VPS13A: variants seen among roughly 807,000 people sequenced by gnomAD.
VPS13A encodes the protein intermembrane lipid transfer protein VPS13A.
In VPS13A, 264 loss-of-function variants were observed where a neutral mutation model predicts 390.9. The ratio of observed to expected loss-of-function variants is 0.68; its 90% CI spans 0.61 to 0.75. The LOEUF (loss-of-function observed/expected upper bound fraction) is 0.75, where lower values mean the gene tolerates loss of function less well. Ranked by LOEUF, VPS13A falls within the 30% of genes least tolerant of loss-of-function variation. The probability of loss-of-function intolerance (pLI) is 0.00; values close to 1 mark genes in which losing one functional copy is unlikely to be tolerated. For missense variants in VPS13A, 3,409 were observed against 3,733.9 expected, an observed-to-expected ratio of 0.91 and a Z score of 2.27; for synonymous variants, 1,231 against 1,227.1, an observed-to-expected ratio of 1.00 and a Z score of -0.07.
At chr9:77,318,679 CT>C in intron 41 of VPS13A, 88 bp downstream of exon 41, 1 of 1,246,562 alleles carries the variant, frequency 8.0e-7, no homozygotes, top group Non-Finnish European at 1.2e-6. Flanking sequence ...ATTATGGAAT[CT>C]TGTGTAGCTA....
intron 17 of VPS13A, among the ~76,000 whole-genome samples, chr9:77,229,459 A>G (rs1033745030): frequency 1.3e-5 from 2 of 152,238 alleles, no homozygotes; most frequent in Non-Finnish European, 2.9e-5. Flanking sequence ...GCCCCTGGCA[A>G]CAACTAATTT....
At chr9:77,211,581 C>T (rs1006791944) in intron 7 of VPS13A, 1 of 152,110 alleles carries the variant, frequency 6.6e-6, no homozygotes, top group African/African-American at 2.4e-5. Context: ...AGAGACTCCA[C>T]AGTTTCTTTT....
intron 23 of VPS13A, among the ~76,000 whole-genome samples, chr9:77,271,420 A>G (rs865861245): frequency 4.6e-5 from 7 of 152,200 alleles, no homozygotes; most frequent in African/African-American, 1.4e-4. Context: ...AAGGTTAAGT[A>G]TATACTTACC....
chr9:77,321,715 C>A lies in VPS13A; in HGVS notation c.5799C>A (p.Ser1933Arg). The change falls in exon 44 of 72, where the codon AGC becomes AGA. Residue 1933 changes from serine (S) to arginine (R), a missense_variant. Coordinates refer to ENST00000360280, the MANE Select transcript of VPS13A (RefSeq NM_033305.3). ...ATGATCATTTCAATGCAATGACCAG[C>A]CTAAGCAGCAAACTCTTCTTCATTC... The part of the protein sequence containing the change: ...KDNDHFNAMT[S>R]LSSKLFFILL... The A allele has an allele frequency of 6.2e-7, 1 of 1,613,174 alleles. No homozygotes were observed.
chr9:77,378,411 T>A (rs1277107417), intron 67 of VPS13A, among the ~76,000 whole-genome samples: 1 of 152,144 alleles, frequency 6.6e-6, no homozygotes, highest in Non-Finnish European at 1.5e-5. Flanking sequence ...ATCTAGATGT[T>A]CTAATTTGTT....
chr9:77,202,729 C>T (rs140832091), intron 3 of VPS13A, among the ~76,000 whole-genome samples: 9 of 152,124 alleles, frequency 5.9e-5, no homozygotes, highest in East Asian at 3.9e-4. Context: ...AGAATCTGCC[C>T]GCCTTCTCTT....
At chr9:77,394,896 A>T (rs2131634829) in intron 68 of VPS13A, among the ~76,000 whole-genome samples, 1 of 152,280 alleles carries the variant, frequency 6.6e-6, no homozygotes, top group African/African-American at 2.4e-5. Context: ...CCTTCATATA[A>T]TTGAAGATAG....
At chr9:77,185,070 C>A (rs1483517424) in intron 1 of VPS13A, among the ~76,000 whole-genome samples, 1 of 151,992 alleles carries the variant, frequency 6.6e-6, no homozygotes, top group Non-Finnish European at 1.5e-5. Flanking sequence ...TCACAGCCTG[C>A]GACTTGTGAC....
intron 23 of VPS13A, among the ~76,000 whole-genome samples, chr9:77,268,001 G>A (rs1466953465): frequency 6.6e-6 from 1 of 152,190 alleles, no homozygotes; most frequent in Non-Finnish European, 1.5e-5. Flanking sequence ...CTCAGCAGTG[G>A]TGATTCCCGC....
At chr9:77,252,439 T>C in intron 22 of VPS13A, 87 bp downstream of exon 22, 1 of 1,064,062 alleles carries the variant, frequency 9.4e-7, no homozygotes, top group Middle Eastern at 2.0e-4. Context: ...CTCTTCCTTG[T>C]GTGTGTGGTG....
At chr9:77,364,713 C>G (rs78097690) in intron 59 of VPS13A, among the ~76,000 whole-genome samples, 2,482 of 152,204 alleles carry the variant, frequency 0.016, 52 homozygotes, top group African/African-American at 0.05. Context: ...TTACCAAATT[C>G]TTTAGGTTTT....
At chr9:77,261,343 T>G (rs12340704) in intron 23 of VPS13A, among the ~76,000 whole-genome samples, 15,552 of 152,092 alleles carry the variant, frequency 0.1, 820 homozygotes, top group Middle Eastern at 0.13. Context: ...TATGGTGATA[T>G]AGTATTTCAT....
intron 33 of VPS13A, among the ~76,000 whole-genome samples, chr9:77,297,478 G>A (rs985651718): frequency 6.6e-6 from 1 of 151,880 alleles, no homozygotes; most frequent in African/African-American, 2.4e-5. Flanking sequence ...CAATCGTAGG[G>A]CTCACCTCAT....
intron 67 of VPS13A, among the ~76,000 whole-genome samples, chr9:77,379,413 T>C (rs1833308720): frequency 6.6e-6 from 1 of 152,012 alleles, no homozygotes; most frequent in East Asian, 1.9e-4. Context: ...GCTAATTTTG[T>C]ATTTTTAGTA....
At chr9:77,239,945 A>C (rs748353601) in intron 19 of VPS13A, among the ~76,000 whole-genome samples, 7 of 151,958 alleles carry the variant, frequency 4.6e-5, no homozygotes, top group Middle Eastern at 3.4e-3. Context: ...TCTCCTAGTC[A>C]TTATATGGAC....
chr9:77,252,479 G>T, intron 22 of VPS13A, 127 bp downstream of exon 22: 1 of 845,886 alleles, frequency 1.2e-6, no homozygotes, highest in Non-Finnish European at 2.0e-6. Flanking sequence ...TTCCTTGTGT[G>T]TGTGGTAAAA....
At chr9:77,206,261 C>T (rs1825632599) in intron 5 of VPS13A, among the ~76,000 whole-genome samples, 182 bp downstream of exon 5, 1 of 150,396 alleles carries the variant, frequency 6.6e-6, no homozygotes. Flanking sequence ...GGAATTTTAC[C>T]TTATGGAAAT....
At chr9:77,291,787 A>T (rs184192228) in intron 31 of VPS13A, among the ~76,000 whole-genome samples, 3 of 151,788 alleles carry the variant, frequency 2.0e-5, no homozygotes, top group Admixed American at 2.0e-4. Flanking sequence ...GTCCATTTTC[A>T]CTCCTAGCCA....
At chr9:77,391,819 C>T (rs1456749468) in intron 68 of VPS13A, among the ~76,000 whole-genome samples, 2 of 152,068 alleles carry the variant, frequency 1.3e-5, no homozygotes. Flanking sequence ...TGAATTTTTG[C>T]TGGCTTTATT....
Sources: allele counts gnomAD v4.1 joint callset (sites outside exome capture counted in the v4.1 genomes callset), GRCh38; gene constraint gnomAD v4.1.1; transcripts MANE v1.5; gene names NCBI Gene and HGNC (gene_info 2026-07-23, HGNC 2026-07-21).